GSG1L: variants seen among roughly 807,000 people sequenced by gnomAD.
GSG1L encodes the protein germ cell-specific gene 1-like protein.
A neutral mutation model predicts 42.1 loss-of-function variants in GSG1L; 24 were observed. The ratio of observed to expected loss-of-function variants is 0.57; its 90% CI spans 0.41 to 0.80. The LOEUF (loss-of-function observed/expected upper bound fraction) is 0.80. GSG1L is among the 30% of genes least tolerant of loss of function. The pLI is 0.00. For synonymous variants in GSG1L, 215 were observed against 203.5 expected (o/e 1.06, Z -0.48); for missense variants, 445 against 472.2 (o/e 0.94, Z 0.53).
At chr16:27,832,185 A>G (rs964680527) in intron 4 of GSG1L, among the ~76,000 whole-genome samples, 7 of 152,170 alleles carry the variant, frequency 4.6e-5, no homozygotes, top group Non-Finnish European at 4.4e-5. Flanking sequence ...AGATAATTAC[A>G]GATTCACAAA....
chr16:27,918,979 C>A (rs141615986), intron 2 of GSG1L, among the ~76,000 whole-genome samples: 1 of 152,126 alleles, frequency 6.6e-6, no homozygotes, highest in Non-Finnish European at 1.5e-5. Flanking sequence ...GCCTGGGAGA[C>A]GCCTCACAAT....
At chr16:27,934,949 A>ACAGG (rs1461482767) in intron 2 of GSG1L, among the ~76,000 whole-genome samples, 1 of 152,232 alleles carries the variant, frequency 6.6e-6, no homozygotes, top group Non-Finnish European at 1.5e-5. Flanking sequence ...ATTGAACAAG[A>ACAGG]CAGGCAAGGC....
intron 1 of GSG1L, among the ~76,000 whole-genome samples, chr16:28,037,318 G>A (rs530739360): frequency 1.1e-4 from 16 of 152,208 alleles, no homozygotes; most frequent in South Asian, 2.1e-4. Context: ...GAGCCACCAC[G>A]CCCAGCCTTG....
intron 3 of GSG1L, among the ~76,000 whole-genome samples, chr16:27,850,086 T>C (rs2083492392): frequency 1.5e-5 from 2 of 129,856 alleles, no homozygotes; most frequent in African/African-American, 6.1e-5. Context: ...TGGAGTGCAG[T>C]GGCATGATCT....
intron 2 of GSG1L, among the ~76,000 whole-genome samples, chr16:27,944,584 T>C (rs1367288863): frequency 6.7e-6 from 1 of 148,476 alleles, no homozygotes; most frequent in African/African-American, 2.5e-5. Context: ...ATCACGCCAC[T>C]GCACTCCAGC....
intron 1 of GSG1L, among the ~76,000 whole-genome samples, chr16:28,050,206 G>T (rs1235974954): frequency 2.0e-5 from 3 of 151,724 alleles, no homozygotes; most frequent in Non-Finnish European, 4.4e-5. Flanking sequence ...AAGAGTCAAG[G>T]TCTTACTCTG....
chr16:27,808,176 C>T, intron 5 of GSG1L, among the ~76,000 whole-genome samples: 1 of 152,154 alleles, frequency 6.6e-6, no homozygotes, highest in East Asian at 1.9e-4. Flanking sequence ...CCTCCAACAT[C>T]CTAGGCTTAA....
chr16:27,999,277 T>C (rs1336974786), intron 1 of GSG1L, among the ~76,000 whole-genome samples: 1 of 152,146 alleles, frequency 6.6e-6, no homozygotes, highest in African/African-American at 2.4e-5. Context: ...ACCCCATCTT[T>C]ACTAAAAATA....
chr16:27,915,196 T>TACACACACACACAC (rs66820312), intron 2 of GSG1L, among the ~76,000 whole-genome samples: 1 of 121,782 alleles, frequency 8.2e-6, no homozygotes, highest in Non-Finnish European at 1.7e-5. Flanking sequence ...CCAGAGGATG[T>TACACACACACACAC]ACACACACAC....
At chr16:27,804,037 GGATA>G (rs557443110) in intron 6 of GSG1L, among the ~76,000 whole-genome samples, 35,992 of 131,898 alleles carry the variant, frequency 0.27, 4,721 homozygotes, top group Middle Eastern at 0.35. Context: ...TAGATTAGAT[GGATA>G]GATAGATAGA....
intron 6 of GSG1L, among the ~76,000 whole-genome samples, chr16:27,802,984 C>T (rs2082900772): frequency 1.3e-5 from 2 of 152,118 alleles, no homozygotes; most frequent in South Asian, 2.1e-4. Context: ...AGCTCCCCTC[C>T]GTTGATCTGG....
intron 2 of GSG1L, among the ~76,000 whole-genome samples, chr16:27,899,263 G>A (rs7201232): frequency 6.6e-6 from 1 of 152,226 alleles, no homozygotes; most frequent in Non-Finnish European, 1.5e-5. Flanking sequence ...TGGCAGTGTA[G>A]CCCAGTGTTT....
At chr16:27,908,201 C>T (rs769200215) in intron 2 of GSG1L, among the ~76,000 whole-genome samples, 7 of 152,230 alleles carry the variant, frequency 4.6e-5, no homozygotes, top group Non-Finnish European at 1.0e-4. Context: ...ATGAAGGACC[C>T]ACTGGGCAGA....
chr16:27,817,953 C>T (rs2083114889), intron 5 of GSG1L, among the ~76,000 whole-genome samples: 2 of 152,228 alleles, frequency 1.3e-5, no homozygotes, highest in Admixed American at 6.5e-5. Flanking sequence ...CTCTATCCTC[C>T]AGCCCAGTAC....
intron 1 of GSG1L, among the ~76,000 whole-genome samples, chr16:28,007,115 C>T (rs1027633367): frequency 2.6e-5 from 4 of 152,274 alleles, no homozygotes; most frequent in South Asian, 2.1e-4. Flanking sequence ...TCCTAATCCT[C>T]GGAATCTGTG....
chr16:27,973,439 CAAAAAA>C (rs71140935), intron 1 of GSG1L, among the ~76,000 whole-genome samples: 14 of 29,848 alleles, frequency 4.7e-4, no homozygotes, highest in East Asian at 1.4e-3. Flanking sequence ...GACCCCATCA[CAAAAAA>C]AAAAAAAAAA....
chr16:27,957,424 C>G (rs2085019040), intron 2 of GSG1L, among the ~76,000 whole-genome samples: 1 of 152,238 alleles, frequency 6.6e-6, no homozygotes, highest in African/African-American at 2.4e-5. Context: ...TTAAGTTGCT[C>G]AGGCATCTTT....
chr16:27,836,156 C>A (rs1340606189), intron 4 of GSG1L, among the ~76,000 whole-genome samples: 1 of 151,972 alleles, frequency 6.6e-6, no homozygotes, highest in African/African-American at 2.4e-5. Flanking sequence ...TTTTCATTTT[C>A]TTTTTCTTTC....
At chr16:28,013,783 T>C (rs1319253510) in intron 1 of GSG1L, among the ~76,000 whole-genome samples, 2 of 152,256 alleles carry the variant, frequency 1.3e-5, no homozygotes, top group African/African-American at 4.8e-5. Context: ...TCTTCTTCCA[T>C]GGCATTGCAG....
Sources: allele counts gnomAD v4.1 joint callset (sites outside exome capture counted in the v4.1 genomes callset), GRCh38; gene constraint gnomAD v4.1.1; transcripts MANE v1.5; gene names NCBI Gene and HGNC (gene_info 2026-07-23, HGNC 2026-07-21).